Variants in PPP2R5E observed in about 807,000 individuals in gnomAD.
PPP2R5E encodes serine/threonine-protein phosphatase 2A 56 kDa regulatory subunit epsilon isoform.
In PPP2R5E, 4 loss-of-function variants were observed where a neutral mutation model predicts 65.3. The ratio of observed to expected loss-of-function variants is 0.06; its 90% CI spans 0.03 to 0.14. The LOEUF is 0.14. Ranked by LOEUF, PPP2R5E falls within the 10% of genes least tolerant of loss-of-function variation. The probability of loss-of-function intolerance (pLI) is 1.00; values close to 1 mark genes in which losing one functional copy is unlikely to be tolerated. For missense variants in PPP2R5E, 274 were observed against 556.1 expected, an observed-to-expected ratio of 0.49 and a Z score of 5.10; for synonymous variants, 183 against 187.4, an observed-to-expected ratio of 0.98 and a Z score of 0.19.
At chr14:63,411,163 T>C (rs1886368670) in intron 5 of PPP2R5E, among the ~76,000 whole-genome samples, 2 of 152,202 alleles carry the variant, frequency 1.3e-5, no homozygotes, top group South Asian at 2.1e-4. Flanking sequence ...ACAAGGCCTA[T>C]AGATGACAGT....
intron 2 of PPP2R5E, among the ~76,000 whole-genome samples, chr14:63,470,562 A>G (rs1381177594): frequency 1.3e-5 from 2 of 152,046 alleles, no homozygotes; most frequent in African/African-American, 4.8e-5. Context: ...ACATATTTAT[A>G]TTATTAAAAA....
At chr14:63,514,268 G>A (rs1892574746) in intron 2 of PPP2R5E, among the ~76,000 whole-genome samples, 1 of 152,020 alleles carries the variant, frequency 6.6e-6, no homozygotes, top group Non-Finnish European at 1.5e-5. Context: ...CTACATGCCA[G>A]ACACTGCCAG....
intron 5 of PPP2R5E, among the ~76,000 whole-genome samples, chr14:63,406,379 C>A (rs1001261632): frequency 4.3e-4 from 65 of 151,218 alleles, no homozygotes; most frequent in Non-Finnish European, 8.3e-4. Context: ...CCACTGCAAT[C>A]CAGCCTGGGT....
intron 1 of PPP2R5E, among the ~76,000 whole-genome samples, chr14:63,539,987 T>C (rs987311617): frequency 6.6e-6 from 1 of 150,798 alleles, no homozygotes; most frequent in Non-Finnish European, 1.5e-5. Context: ...TAGCCGGGCA[T>C]GATGGCAGGT....
chr14:63,460,479 G>A (rs34378913), intron 2 of PPP2R5E, among the ~76,000 whole-genome samples: 12,656 of 152,208 alleles, frequency 0.083, 702 homozygotes, highest in Admixed American at 0.12. Context: ...CATTGCTATG[G>A]TTAGTTATTT....
intron 13 of PPP2R5E, among the ~76,000 whole-genome samples, chr14:63,377,149 C>CA (rs951418693): frequency 3.8e-4 from 51 of 134,708 alleles, no homozygotes; most frequent in Admixed American, 4.5e-4. Context: ...ACTCCGTCTC[C>CA]AAAAAAAAAT....
chr14:63,465,355 C>T (rs1037968404), intron 2 of PPP2R5E, among the ~76,000 whole-genome samples: 17 of 148,876 alleles, frequency 1.1e-4, no homozygotes, highest in African/African-American at 3.2e-4. Flanking sequence ...GGCTCACGCC[C>T]GTAATCCCAG....
intron 2 of PPP2R5E, among the ~76,000 whole-genome samples, chr14:63,472,734 A>T (rs1438534506): frequency 1.3e-5 from 2 of 152,254 alleles, no homozygotes; most frequent in African/African-American, 4.8e-5. Context: ...GGGAGAAATT[A>T]TAAGAAGATA....
chr14:63,405,736 G>T (rs1886035150), intron 5 of PPP2R5E, among the ~76,000 whole-genome samples: 3 of 152,054 alleles, frequency 2.0e-5, no homozygotes, highest in Admixed American at 2.0e-4. Flanking sequence ...AAGGGGTTGG[G>T]GGATCATAAA....
At chr14:63,465,735 T>C (rs1039839395) in intron 2 of PPP2R5E, among the ~76,000 whole-genome samples, 5 of 152,214 alleles carry the variant, frequency 3.3e-5, no homozygotes, top group African/African-American at 1.2e-4. Context: ...CAAATAACCA[T>C]AACTTCTCTT....
chr14:63,386,210 C>T (rs1393158825), intron 11 of PPP2R5E, among the ~76,000 whole-genome samples: 1 of 152,202 alleles, frequency 6.6e-6, no homozygotes, highest in Non-Finnish European at 1.5e-5. Flanking sequence ...AACCCTGAGA[C>T]TCATTAGGCA....
At chr14:63,531,682 G>A (rs1283436607) in intron 2 of PPP2R5E, among the ~76,000 whole-genome samples, 7 of 151,248 alleles carry the variant, frequency 4.6e-5, no homozygotes, top group East Asian at 1.9e-4. Flanking sequence ...GGCCGGGTGC[G>A]GTGGCTCATG....
chr14:63,490,621 A>G (rs1389041848), intron 2 of PPP2R5E, among the ~76,000 whole-genome samples: 8 of 152,138 alleles, frequency 5.3e-5, no homozygotes, highest in Non-Finnish European at 1.0e-4. Context: ...GCAGTCAACA[A>G]GCCTATGAAA....
intron 2 of PPP2R5E, among the ~76,000 whole-genome samples, chr14:63,460,333 T>C (rs1464258068): frequency 6.6e-6 from 1 of 152,184 alleles, no homozygotes; most frequent in Non-Finnish European, 1.5e-5. Context: ...AGCTAGTATC[T>C]GAACCCCAGT....
At chr14:63,389,813 G>C in intron 10 of PPP2R5E, 82 bp from the exon 11 acceptor site, 1 of 1,340,974 alleles carries the variant, frequency 7.5e-7, no homozygotes, top group Non-Finnish European at 9.7e-7. Context: ...ATGAGAGTTT[G>C]GATTATTTTA....
intron 11 of PPP2R5E, among the ~76,000 whole-genome samples, chr14:63,385,189 G>A (rs1229251659): frequency 1.3e-5 from 2 of 152,076 alleles, no homozygotes; most frequent in Non-Finnish European, 2.9e-5. Context: ...AGCCGGGATT[G>A]GTGGCATGTG....
intron 12 of PPP2R5E, among the ~76,000 whole-genome samples, chr14:63,383,032 C>T (rs1243623835): frequency 1.3e-5 from 2 of 152,106 alleles, no homozygotes; most frequent in Non-Finnish European, 2.9e-5. Flanking sequence ...TGCACCAGTC[C>T]TGCTGACCCA....
chr14:63,539,992 G>A (rs373532033), intron 1 of PPP2R5E, among the ~76,000 whole-genome samples: 5 of 151,896 alleles, frequency 3.3e-5, no homozygotes, highest in Admixed American at 6.6e-5. Flanking sequence ...GGGCATGATG[G>A]CAGGTGCTTG....
intron 2 of PPP2R5E, among the ~76,000 whole-genome samples, chr14:63,485,037 T>C (rs1176338198): frequency 6.6e-6 from 1 of 152,138 alleles, no homozygotes; most frequent in Non-Finnish European, 1.5e-5. Flanking sequence ...TCTGAAGCAA[T>C]TAATATATTC....
Sources: gnomAD v4.1 joint callset for allele counts (sites outside exome capture counted in the v4.1 genomes callset) on GRCh38, gnomAD v4.1.1 for gene constraint, MANE v1.5 for transcripts, NCBI Gene and HGNC (gene_info 2026-07-23, HGNC 2026-07-21) for gene names.